The following TNFRSF1A variants were observed in gnomAD, a reference collection of about 807,000 sequenced individuals.
TNFRSF1A encodes the protein tumor necrosis factor receptor superfamily member 1A.
A neutral mutation model predicts 41.6 loss-of-function variants in TNFRSF1A; 9 were observed. The ratio of observed to expected loss-of-function variants is 0.22; its 90% confidence interval spans 0.13 to 0.38. The LOEUF (loss-of-function observed/expected upper bound fraction) is 0.38. TNFRSF1A is among the 10% of genes least tolerant of loss of function. The probability of loss-of-function intolerance (pLI) is 1.00; values close to 1 mark genes in which losing one functional copy is unlikely to be tolerated. For missense variants in TNFRSF1A, 463 were observed against 591.5 expected (o/e 0.78, Z 2.25); for synonymous variants, 254 against 248.6 (o/e 1.02, Z -0.21).
chr12:6,329,740 C>T (rs769866249), intron 9 of TNFRSF1A, 38 bp downstream of exon 9: 2 of 1,577,752 alleles, frequency 1.3e-6, no homozygotes, highest in Non-Finnish European at 1.7e-6. Context: ...CCCGGCCCTC[C>T]CCCAGCCTCC....
rs1321895968 is a variant in TNFRSF1A at position 6,329,639 on chromosome 12, C to T, written c.1058-17G>A. 6 of 1,584,304 alleles carry T rather than the reference C, an allele frequency of 3.8e-6. No individual in the cohort carries two copies. The African/African-American group carries it at 6.7e-5, about 18-fold the overall frequency. Reference sequence around the variant, plus strand: ...GGTCATCAGCTGCGGGGACGCGGGCCGGTGAGCCTCGGGCGGCAACCCCAG... The same window carrying T: ...GGTCATCAGCTGCGGGGACGCGGGCTGGTGAGCCTCGGGCGGCAACCCCAG... On this transcript the variant is annotated splice_polypyrimidine_tract_variant and intron_variant, in intron 9 of 9. Transcript: ENST00000162749.
chr12:6,336,972 AC>A (rs1006033198), intron 1 of TNFRSF1A, among the ~76,000 whole-genome samples: 12 of 151,212 alleles, frequency 7.9e-5, no homozygotes, highest in South Asian at 2.1e-4. Context: ...GTCTCCACAG[AC>A]CCTCCCCAAG....
chr12:6,335,847 C>G (rs1040533655), intron 1 of TNFRSF1A, among the ~76,000 whole-genome samples: 3 of 152,198 alleles, frequency 2.0e-5, no homozygotes, highest in African/African-American at 7.2e-5. Flanking sequence ...CCCGGAAGTT[C>G]AAGCCTCAGC....
In TNFRSF1A at chr12:6,329,769, G is replaced by A; in HGVS notation, c.1057+9C>T. The A allele has an allele frequency of 6.3e-7, 1 of 1,598,730 alleles. No homozygotes were observed. Among genetic ancestry groups the A allele is most frequent in the Non-Finnish European group, 8.5e-7 (1 of 1,173,098 alleles). ...AGCCTCCTCGTCTCCAGCCGCGGGA[G>A]AAACTCACTGTCTAGGCTCTGTGGC... On this transcript the variant is annotated intron_variant, in intron 9 of 9. Transcript: ENST00000162749.
Position 6,333,168 on chromosome 12 carries a change from C to T in TNFRSF1A, c.473-21G>A. 6.2e-7 allele frequency: 1 copy of T among 1,613,324 alleles called. No individual in the cohort carries two copies. Among genetic ancestry groups the T allele is most frequent in the Non-Finnish European group, 8.5e-7 (1 of 1,179,318 alleles). ...CTGGCCTGTAGGGAGAAGTGCGGCA[C>T]AGCTAAAGGAGAAGCGCCTGCACCC... is the stretch of plus-strand genomic sequence containing the variant. On this transcript the variant is annotated intron_variant, in intron 4 of 9. Transcript: ENST00000162749. The surrounding 1 kb of genome is among the most constrained non-coding windows in gnomAD (Gnocchi z 6.3).
chr12:6,330,480 C>A, intron 7 of TNFRSF1A, 118 bp downstream of exon 7: 2 of 1,007,644 alleles, frequency 2.0e-6, no homozygotes, highest in South Asian at 1.3e-5. Context: ...TGCCCAGAGT[C>A]CCCAGCGGTA....
chr12:6,341,655 T>G lies in TNFRSF1A; in HGVS notation c.39+121A>C, dbSNP rs568665835. On this transcript the variant is annotated intron_variant, in intron 1 of 9. Coordinates refer to ENST00000162749, the MANE Select transcript of TNFRSF1A (RefSeq NM_001065.4). This position sits in a 1 kb window ranked among gnomAD's most constrained non-coding sequence, Gnocchi z 4.6. Reference sequence around the variant, plus strand: ...TGGCTGAGGTTAGGACCTGCAGGCCTGAGGCTGGCGCCAGGACCAGGCCCG... The same window carrying G: ...TGGCTGAGGTTAGGACCTGCAGGCCGGAGGCTGGCGCCAGGACCAGGCCCG... 21 of 1,200,824 alleles carry G rather than the reference T, an allele frequency of 1.7e-5. No individual in the cohort carries two copies. In the African/African-American group the frequency reaches 2.8e-4, roughly 16 times the overall value. The allele number at this position is 1,200,824 out of a possible 1,614,324, so 74.4% of individuals were successfully genotyped here.
At chr12:6,332,425 C>A (rs1276085923) in intron 5 of TNFRSF1A, among the ~76,000 whole-genome samples, 1 of 124,986 alleles carries the variant, frequency 8.0e-6, no homozygotes, top group East Asian at 2.1e-4. Context: ...CAGAGTGAAA[C>A]CCTGTCTCAA....
intron 6 of TNFRSF1A, 57 bp from the exon 7 acceptor site, chr12:6,330,768 G>A: frequency 6.3e-7 from 1 of 1,576,786 alleles, no homozygotes; most frequent in Non-Finnish European, 8.7e-7. Context: ...CGCAGGGATA[G>A]ATGGATGGGT....
chr12:6,330,942 G>A lies in TNFRSF1A; in HGVS notation c.552-16C>T. ...TTTCTTACAGCTAAAAGAAGAGACG[G>A]CACTGGTGAACAGAGGCCCTACCAT... On this transcript the variant is annotated splice_polypyrimidine_tract_variant and intron_variant, in intron 5 of 9. Transcript: ENST00000162749. The A allele has an allele frequency of 3.1e-6, 5 of 1,611,528 alleles. No individual in the cohort carries two copies. The highest frequency in any genetic ancestry group is 1.7e-5 in the Admixed American group (1 of 59,958).
Position 6,329,246 on chromosome 12 carries a change from G to GA in TNFRSF1A, c.*65dup, listed in dbSNP as rs907952909. The stretch of plus-strand genomic sequence containing the variant: ...GCCCCTGCAGGACCCCTCCTTTCCA[G>GA]AAAAAAGTGGGGTTGGAAGGCGATC... On this transcript the variant is annotated 3_prime_UTR_variant, in exon 10 of 10. Coordinates refer to ENST00000162749, the MANE Select transcript of TNFRSF1A (RefSeq NM_001065.4). 5.4e-5 allele frequency: 77 copies of GA among 1,415,366 alleles called. No homozygotes were observed. The African/African-American group carries it at 6.0e-4, about 11-fold the overall frequency. The allele number at this position is 1,415,366 out of a possible 1,614,324, so 87.7% of individuals were successfully genotyped here. A position where few individuals can be genotyped will look rare whatever the true frequency, so the allele number is the denominator to read the frequency against.
At chr12:6,339,096 T>C (rs1948154673) in intron 1 of TNFRSF1A, among the ~76,000 whole-genome samples, 1 of 152,220 alleles carries the variant, frequency 6.6e-6, no homozygotes, top group South Asian at 2.1e-4. Flanking sequence ...CATTTCTTAG[T>C]GTTTCTCAAC....
Position 6,333,254 on chromosome 12 carries a change from GT to G in TNFRSF1A, c.473-108del, listed in dbSNP as rs1323530357. The G allele has an allele frequency of 6.4e-7, 1 of 1,551,500 alleles. No homozygotes were observed. Among genetic ancestry groups the G allele is most frequent in the African/African-American group, 1.4e-5 (1 of 73,680 alleles). Reference sequence around the variant, plus strand: ...GGTGGGGGCGGCCAGAGAGGAGTTGGTTGTCAGACCCACAGAATACAGGAGG... The same window carrying G: ...GGTGGGGGCGGCCAGAGAGGAGTTGGTGTCAGACCCACAGAATACAGGAGG... On this transcript the variant is annotated intron_variant, in intron 4 of 9. Transcript: ENST00000162749. The surrounding 1 kb of genome is among the most constrained non-coding windows in gnomAD (Gnocchi z 6.3).
Position 6,341,841 on chromosome 12 carries a change from C to T in TNFRSF1A, c.-27G>A. 3 of 1,614,040 alleles carry T rather than the reference C, an allele frequency of 1.9e-6. No individual in the cohort carries two copies. The highest frequency in any genetic ancestry group is 2.5e-6 in the Non-Finnish European group (3 of 1,180,000). ...CCAGACAGCTATGGCCTCTCACTCC[C>T]CCATTTGGGCTCAGGGCAGTGTGGC... is the stretch of plus-strand genomic sequence containing the variant. On this transcript the variant is annotated 5_prime_UTR_variant, in exon 1 of 10. Transcript: ENST00000162749. This position sits in a 1 kb window ranked among gnomAD's most constrained non-coding sequence, Gnocchi z 4.6.
chr12:6,336,160 G>A (rs958469703), intron 1 of TNFRSF1A, among the ~76,000 whole-genome samples: 1 of 152,180 alleles, frequency 6.6e-6, no homozygotes, highest in Admixed American at 6.5e-5. Flanking sequence ...AGAACTGGGG[G>A]ACGCCAGCCC....
At chr12:6,340,814 G>A (rs1350434417) in intron 1 of TNFRSF1A, among the ~76,000 whole-genome samples, 1 of 152,170 alleles carries the variant, frequency 6.6e-6, no homozygotes, top group Non-Finnish European at 1.5e-5. Context: ...CATCTGAACA[G>A]GATGATTCCC....
intron 1 of TNFRSF1A, among the ~76,000 whole-genome samples, chr12:6,336,503 C>T (rs4149632): frequency 1.2e-4 from 19 of 152,226 alleles, no homozygotes; most frequent in African/African-American, 4.3e-4. Flanking sequence ...CAAGTCCCTC[C>T]TTCCCATCCC....
chr12:6,329,351 G>A lies in TNFRSF1A; in HGVS notation c.1329C>T (p.Gly443=). 1 of 1,482,368 alleles carries A rather than the reference G, an allele frequency of 6.7e-7. No individual in the cohort carries two copies. The highest frequency in any genetic ancestry group is 1.4e-5 in the South Asian group (1 of 72,728). 91.8% of individuals were successfully genotyped at this position (1,482,368 alleles called of 1,614,324 possible). The change falls in exon 10 of 10, where the codon GGC becomes GGT. Residue 443 remains glycine, a synonymous_variant. Coordinates refer to ENST00000162749, the MANE Select transcript of TNFRSF1A (RefSeq NM_001065.4). The stretch of plus-strand genomic sequence containing the variant: ...TGGGCGCGGGCGGGAGGGCGGCGGG[G>A]CCGCAAAGCGCCTCCTCGATGTCCT... The part of the protein sequence containing the change: ...CLEDIEEALC[G]PAALPPAPSL...
chr12:6,337,752 G>A lies in TNFRSF1A; in HGVS notation c.40-3508C>T, dbSNP rs1438640851. Reference sequence around the variant, plus strand: ...GATATGATCTCCCCAAAGTGACCACGAACCTTATAAGATGAGAGATCAAAA... The same window carrying A: ...GATATGATCTCCCCAAAGTGACCACAAACCTTATAAGATGAGAGATCAAAA... On this transcript the variant is annotated intron_variant, in intron 1 of 9. Coordinates refer to ENST00000162749, the MANE Select transcript of TNFRSF1A (RefSeq NM_001065.4). This position sits in a 1 kb window ranked among gnomAD's most constrained non-coding sequence, Gnocchi z 4.6. Among the ~76,000 whole-genome samples, 3 of 150,616 alleles carry A rather than the reference G, an allele frequency of 2.0e-5. No individual in the cohort carries two copies. The highest frequency in any genetic ancestry group is 3.9e-4 in the East Asian group (2 of 5,192).
Sources: allele counts gnomAD v4.1 joint callset (sites outside exome capture counted in the v4.1 genomes callset), GRCh38; gene constraint gnomAD v4.1.1; non-coding constraint Gnocchi (gnomAD v3.1); transcripts MANE v1.5; gene names NCBI Gene and HGNC (gene_info 2026-07-23, HGNC 2026-07-21).